The following USP4 variants were observed in gnomAD, a reference collection of about 807,000 sequenced individuals.
USP4 encodes ubiquitin specific peptidase 4.
USP4 carries 72 observed loss-of-function variants against 118.2 expected under a neutral mutation model. The ratio of observed to expected loss-of-function variants is 0.61; its 90% CI spans 0.50 to 0.74. The LOEUF (loss-of-function observed/expected upper bound fraction) is 0.74, where lower values mean the gene tolerates loss of function less well. Among genes scored for constraint, USP4 ranks in the 30% least tolerant of loss-of-function variants. USP4 has a pLI of 0.00. For synonymous variants in USP4, 415 were observed against 440.4 expected (o/e 0.94, Z 0.72); for missense variants, 1,037 against 1,185.7 (o/e 0.87, Z 1.84).
intron 13 of USP4, 99 bp downstream of exon 13, chr3:49,297,771 A>T (rs780812271): frequency 2.0e-5 from 20 of 993,332 alleles, no homozygotes; most frequent in African/African-American, 3.2e-5. Context: ...CCACATGAGC[A>T]ATGACTGCCC....
chr3:49,326,250 G>A (rs1293867273), intron 3 of USP4, among the ~76,000 whole-genome samples: 1 of 151,992 alleles, frequency 6.6e-6, no homozygotes, highest in African/African-American at 2.4e-5. Flanking sequence ...CCAGGAGGTG[G>A]AGGCTGCAGT....
chr3:49,327,439 G>C (rs1019633074), intron 3 of USP4, among the ~76,000 whole-genome samples: 1 of 152,142 alleles, frequency 6.6e-6, no homozygotes, highest in African/African-American at 2.4e-5. Context: ...AGGAGGCTGA[G>C]GCACGAGAAT....
At chr3:49,320,908 C>G (rs1414136452) in intron 6 of USP4, among the ~76,000 whole-genome samples, 1 of 152,074 alleles carries the variant, frequency 6.6e-6, no homozygotes, top group African/African-American at 2.4e-5. Flanking sequence ...GTTTGAGAAC[C>G]CCAGTTTTTA....
At position 49,286,222 on chromosome 3, in the gene USP4, G is replaced by A; in HGVS notation, c.2076C>T (p.Thr692=). Residue 692 remains threonine (T), a synonymous_variant, in exon 16 of 22, where the codon ACC becomes ACT. Transcript: ENST00000265560. ...EDEPGNDPSE[T]TQKKIKGQPC... is the part of the protein sequence containing the mutation. ...GCTGGCCTTTGATCTTCTTTTGGGT[G>A]GTCTCACTGGGGTCATTTCCTGGCT... 1.2e-6 allele frequency: 2 copies of A among 1,614,090 alleles called. No homozygotes were observed. The highest frequency in any genetic ancestry group is 1.7e-6 in the Non-Finnish European group (2 of 1,180,022).
intron 6 of USP4, among the ~76,000 whole-genome samples, chr3:49,315,586 T>C (rs1343540388): frequency 1.3e-5 from 2 of 152,180 alleles, no homozygotes; most frequent in Admixed American, 6.6e-5. Context: ...CTGGGTCTCA[T>C]GCCACACTCT....
chr3:49,336,053 G>A (rs767242155), intron 1 of USP4, among the ~76,000 whole-genome samples: 5 of 151,714 alleles, frequency 3.3e-5, no homozygotes, highest in South Asian at 2.1e-4. Flanking sequence ...TAGTAGAGAC[G>A]GGGTTTCACC....
In USP4 at chr3:49,324,930, G is replaced by C. The variant is rs2047535935; in HGVS notation, c.597C>G (p.Asp199Glu). The change falls in exon 5 of 22, where the codon GAC becomes GAG. Residue 199 changes from aspartate (D) to glutamate (E), a missense_variant. By Grantham distance (45) the Asp-to-Glu change is conservative. Coordinates refer to ENST00000265560, the MANE Select transcript of USP4 (RefSeq NM_003363.4). Reference protein sequence around the residue: ...SNTYEQLSKLDNTVQDAGLYQ... With the variant: ...SNTYEQLSKLENTVQDAGLYQ... ...ATAGCCCAGCATCCTGGACAGTGTT[G>C]TCTAGCTTGCTCAACTGCTCGTAGG... 1 of 1,614,060 alleles carries C rather than the reference G, an allele frequency of 6.2e-7. No individual in the cohort carries two copies. The highest frequency in any genetic ancestry group is 1.3e-5 in the African/African-American group (1 of 74,924).
intron 6 of USP4, among the ~76,000 whole-genome samples, chr3:49,317,794 C>T (rs995816629): frequency 2.6e-5 from 4 of 151,446 alleles, no homozygotes; most frequent in South Asian, 2.1e-4. Context: ...CCTCGTGATC[C>T]GCCCGCCTCG....
intron 13 of USP4, among the ~76,000 whole-genome samples, chr3:49,295,736 C>CACACACACACACACAAACACA (rs1336643836): frequency 7.0e-6 from 1 of 142,898 alleles, no homozygotes; most frequent in African/African-American, 2.7e-5. Context: ...ACACACACAC[C>CACACACACACACACAAACACA]CCCCCCTCCC....
intron 8 of USP4, among the ~76,000 whole-genome samples, chr3:49,308,242 C>A (rs1032516902): frequency 4.6e-5 from 7 of 152,022 alleles, no homozygotes; most frequent in Non-Finnish European, 1.0e-4. Flanking sequence ...CCAGAAAAAC[C>A]AAAAATGTGA....
intron 1 of USP4, among the ~76,000 whole-genome samples, 162 bp from the exon 2 acceptor site, chr3:49,335,758 A>G (rs2047662552): frequency 6.6e-6 from 1 of 152,254 alleles, no homozygotes; most frequent in African/African-American, 2.4e-5. Flanking sequence ...CCCACATGGC[A>G]CAGAGAGTCT....
At chr3:49,294,059 T>G (rs2047178157) in intron 14 of USP4, among the ~76,000 whole-genome samples, 1 of 150,944 alleles carries the variant, frequency 6.6e-6, no homozygotes, top group South Asian at 2.1e-4. Flanking sequence ...CACTGCAGCC[T>G]CTAGCTCCCA....
At chr3:49,303,518 T>A (rs775807981) in intron 9 of USP4, among the ~76,000 whole-genome samples, 1 of 149,314 alleles carries the variant, frequency 6.7e-6, no homozygotes, top group Admixed American at 6.7e-5. Context: ...TAGCCACATA[T>A]GGCAATTGAA....
At chr3:49,292,738 G>A (rs1420089070) in intron 14 of USP4, 140 bp from the exon 15 acceptor site, 4 of 596,976 alleles carry the variant, frequency 6.7e-6, no homozygotes, top group African/African-American at 3.8e-5. Context: ...AAATAGAAGT[G>A]CTTTAGAATT....
chr3:49,325,757 T>C lies in USP4; in HGVS notation c.449A>G (p.Asn150Ser). The C allele has an allele frequency of 1.9e-6, 3 of 1,613,794 alleles. No individual in the cohort carries two copies. Among genetic ancestry groups the C allele is most frequent in the Non-Finnish European group, 2.5e-6 (3 of 1,179,840 alleles). The change falls in exon 4 of 22, where the codon AAT (asparagine) becomes AGT (serine). Residue 150 changes from asparagine to serine, a missense_variant. Asn to Ser is a conservative substitution (Grantham distance 46). Around this residue, in one of 3 missense-constraint regions of USP4, gnomAD observed 487 missense variants for 534.1 expected, o/e 0.91. Coordinates refer to ENST00000265560, the MANE Select transcript of USP4 (RefSeq NM_003363.4). ...LKLCENSDPT[N>S]VLSCHFSKAD... ...CTTGCTGAAATGGCAACTCAGCACA[T>C]TGGTGGGGTCACTGTTCTCACAGAG...
At position 49,300,621 on chromosome 3, in the gene USP4, C is replaced by T. The variant is rs141412355; in HGVS notation, c.1358G>A (p.Gly453Asp). The change falls in exon 11 of 22, where the codon GGC becomes GAC. Residue 453 changes from glycine to aspartate, a missense_variant. Physicochemically the swap from Gly to Asp is moderately conservative, Grantham distance 94 (BLOSUM62 -1). Coordinates refer to ENST00000265560, the MANE Select transcript of USP4 (RefSeq NM_003363.4). ...NDSVIVDTFHGLFKSTLVCPE... is the reference protein window; with the variant it reads ...NDSVIVDTFHDLFKSTLVCPE... ...GCAAACCAAAGTAGATTTGAAGAGG[C>T]CATGGAAAGTATCCACAATCACAGA... 69 of 1,614,202 alleles carry T rather than the reference C, an allele frequency of 4.3e-5. No individual in the cohort carries two copies. The highest frequency in any genetic ancestry group is 5.8e-5 in the Non-Finnish European group (68 of 1,180,046).
chr3:49,325,632 T>C (rs2047545926), intron 4 of USP4, 87 bp downstream of exon 4: 3 of 1,548,776 alleles, frequency 1.9e-6, no homozygotes, highest in Admixed American at 1.8e-5. Flanking sequence ...AAAGAGGGCA[T>C]ATAAAATAAT....
chr3:49,298,009 G>T, intron 12 of USP4, 45 bp from the exon 13 acceptor site: 1 of 1,286,356 alleles, frequency 7.8e-7, no homozygotes, highest in Non-Finnish European at 1.1e-6. Flanking sequence ...GGCTAAGAGT[G>T]CCCCTACTAA....
At chr3:49,322,650 C>T (rs2047514298) in intron 6 of USP4, among the ~76,000 whole-genome samples, 1 of 151,938 alleles carries the variant, frequency 6.6e-6, no homozygotes. Flanking sequence ...AACTACAGGC[C>T]AGGAGTTCAA....
Sources: gnomAD v4.1 joint callset for allele counts (sites outside exome capture counted in the v4.1 genomes callset) on GRCh38, gnomAD v4.1.1 for gene constraint, gnomAD v4.1.1 regional missense constraint, MANE v1.5 for transcripts, NCBI Gene and HGNC (gene_info 2026-07-23, HGNC 2026-07-21) for gene names.